PLXNA4: variants seen among roughly 807,000 people sequenced by gnomAD.
PLXNA4 encodes plexin A4.
PLXNA4 carries 44 observed loss-of-function variants against 191.8 expected under a neutral mutation model. The observed-to-expected ratio is 0.23, with a 90% CI of 0.18 to 0.29. The LOEUF is 0.29. PLXNA4 is among the 10% of genes least tolerant of loss of function. PLXNA4 has a pLI of 1.00. For synonymous variants in PLXNA4, 1,082 were observed against 1,009.5 expected (o/e 1.07, Z -1.36); for missense variants, 1,800 against 2,488.8 (o/e 0.72, Z 5.89).
chr7:132,647,500 CT>C (rs1283487482), intron 1 of PLXNA4, among the ~76,000 whole-genome samples: 1 of 152,040 alleles, frequency 6.6e-6, no homozygotes, highest in Non-Finnish European at 1.5e-5. Context: ...TGAACACACA[CT>C]TCCATACACT....
At chr7:132,285,744 G>C (rs537009612) in intron 4 of PLXNA4, among the ~76,000 whole-genome samples, 2 of 152,340 alleles carry the variant, frequency 1.3e-5, no homozygotes, top group East Asian at 1.9e-4. Flanking sequence ...ATGTACTTAA[G>C]TATCAACATT....
intron 24 of PLXNA4, among the ~76,000 whole-genome samples, 174 bp downstream of exon 24, chr7:132,163,968 A>G (rs1003911376): frequency 2.6e-5 from 4 of 152,224 alleles, no homozygotes; most frequent in African/African-American, 9.6e-5. Flanking sequence ...GTGAAACAGA[A>G]CAGAGGAAGT....
intron 22 of PLXNA4, among the ~76,000 whole-genome samples, chr7:132,165,584 G>A (rs2116653442): frequency 6.6e-6 from 1 of 152,304 alleles, no homozygotes; most frequent in Non-Finnish European, 1.5e-5. Context: ...GTGGCAGCAT[G>A]TCTGAGGAAC....
At chr7:132,394,594 A>G (rs1585076625) in intron 3 of PLXNA4, among the ~76,000 whole-genome samples, 1 of 152,226 alleles carries the variant, frequency 6.6e-6, no homozygotes. Context: ...CTACTGTGTG[A>G]TGTTGGGTAA....
At chr7:132,321,442 G>A (rs1378054945) in intron 3 of PLXNA4, among the ~76,000 whole-genome samples, 1 of 151,802 alleles carries the variant, frequency 6.6e-6, no homozygotes, top group East Asian at 1.9e-4. Flanking sequence ...CATTGCGCTG[G>A]CTGTGACAGT....
At chr7:132,408,028 T>C (rs1285917837) in intron 3 of PLXNA4, among the ~76,000 whole-genome samples, 1 of 151,426 alleles carries the variant, frequency 6.6e-6, no homozygotes, top group Non-Finnish European at 1.5e-5. Flanking sequence ...TAGTCTGAAA[T>C]ACAGGGATTT....
chr7:132,155,886 C>A (rs1262482073), intron 25 of PLXNA4, among the ~76,000 whole-genome samples: 1 of 152,138 alleles, frequency 6.6e-6, no homozygotes, highest in Non-Finnish European at 1.5e-5. Flanking sequence ...TTGAATAAAG[C>A]AGATTTCTCT....
intron 24 of PLXNA4, among the ~76,000 whole-genome samples, chr7:132,160,704 T>C (rs1258125057): frequency 6.6e-6 from 1 of 152,076 alleles, no homozygotes; most frequent in Non-Finnish European, 1.5e-5. Flanking sequence ...TCTGTGTGTC[T>C]CTCTCCTTCT....
At chr7:132,322,823 A>G (rs1335830961) in intron 3 of PLXNA4, among the ~76,000 whole-genome samples, 18 of 152,198 alleles carry the variant, frequency 1.2e-4, no homozygotes, top group Admixed American at 1.2e-3. Context: ...CTCAGGAAGA[A>G]AGGGATGTCA....
At chr7:132,257,042 G>A (rs1028474238) in intron 4 of PLXNA4, among the ~76,000 whole-genome samples, 1 of 152,232 alleles carries the variant, frequency 6.6e-6, no homozygotes, top group Non-Finnish European at 1.5e-5. Context: ...CACAGGTTGG[G>A]AGGGGTTAAG....
chr7:132,445,641 T>C (rs1021640379), intron 3 of PLXNA4, among the ~76,000 whole-genome samples: 1 of 152,140 alleles, frequency 6.6e-6, no homozygotes, highest in Non-Finnish European at 1.5e-5. Context: ...AAAGCAAATA[T>C]ATGATCTGGC....
At chr7:132,647,962 CATAT>C (rs921541818) in intron 1 of PLXNA4, among the ~76,000 whole-genome samples, 11 of 151,960 alleles carry the variant, frequency 7.2e-5, no homozygotes, top group African/African-American at 2.7e-4. Context: ...CACACAGTCA[CATAT>C]ATACTCACAT....
chr7:132,626,532 G>C (rs569781680), intron 2 of PLXNA4, among the ~76,000 whole-genome samples: 3 of 152,012 alleles, frequency 2.0e-5, no homozygotes, highest in Non-Finnish European at 4.4e-5. Context: ...GTGAGCCCTC[G>C]TGAGAGCTGG....
At chr7:132,639,789 A>C (rs1803679028) in intron 2 of PLXNA4, among the ~76,000 whole-genome samples, 1 of 152,180 alleles carries the variant, frequency 6.6e-6, no homozygotes, top group African/African-American at 2.4e-5. Context: ...TCTACACTCA[A>C]ATTGTAAAAG....
chr7:132,339,713 C>T (rs1419506473), intron 3 of PLXNA4, among the ~76,000 whole-genome samples: 2 of 152,136 alleles, frequency 1.3e-5, no homozygotes, highest in Non-Finnish European at 2.9e-5. Flanking sequence ...AATGTTTAGG[C>T]CTGAATTTTC....
At chr7:132,434,934 C>T (rs1414948725) in intron 3 of PLXNA4, among the ~76,000 whole-genome samples, 1 of 152,196 alleles carries the variant, frequency 6.6e-6, no homozygotes, top group Non-Finnish European at 1.5e-5. Flanking sequence ...GGCTCAACAC[C>T]TCTTTCCAGG....
chr7:132,343,751 T>C (rs1200838766), intron 3 of PLXNA4, among the ~76,000 whole-genome samples: 3 of 152,152 alleles, frequency 2.0e-5, no homozygotes, highest in African/African-American at 7.2e-5. Context: ...AAATCCCATC[T>C]CTACAGAATA....
chr7:132,171,910 G>A (rs1024854273), intron 21 of PLXNA4, among the ~76,000 whole-genome samples: 1 of 152,126 alleles, frequency 6.6e-6, no homozygotes, highest in Admixed American at 6.5e-5. Context: ...GGCATGCACC[G>A]TGCACACTTA....
intron 29 of PLXNA4, 64 bp downstream of exon 29, chr7:132,145,055 C>T (rs1795378585): frequency 2.5e-6 from 4 of 1,610,588 alleles, no homozygotes; most frequent in South Asian, 1.1e-5. Flanking sequence ...AGTCCCACCA[C>T]CATTAACTTG....
Sources: allele counts gnomAD v4.1 joint callset (sites outside exome capture counted in the v4.1 genomes callset), GRCh38; gene constraint gnomAD v4.1.1; transcripts MANE v1.5; gene names NCBI Gene and HGNC (gene_info 2026-07-23, HGNC 2026-07-21).